Variants in MECOM observed in about 807,000 individuals in gnomAD.
MECOM encodes MDS1 and EVI1 complex locus.
MECOM carries 13 observed loss-of-function variants against 116.3 expected under a neutral mutation model. The observed-to-expected ratio is 0.11, with a 90% CI of 0.07 to 0.18. The LOEUF is 0.18. Ranked by LOEUF, MECOM falls within the 10% of genes least tolerant of loss-of-function variation. The pLI, the probability that MECOM is intolerant of heterozygous loss-of-function variation, is 1.00. For missense variants in MECOM, 1,299 were observed against 1,509.0 expected (o/e 0.86, Z 2.31); for synonymous variants, 528 against 535.2 (o/e 0.99, Z 0.19).
chr3:169,430,162 C>T (rs866907509), intron 1 of MECOM, among the ~76,000 whole-genome samples: 7 of 152,114 alleles, frequency 4.6e-5, no homozygotes, highest in Middle Eastern at 6.8e-3. Flanking sequence ...TCCTCATTTC[C>T]AATATTCTGG....
intron 10 of MECOM, 27 bp downstream of exon 10, chr3:169,107,899 A>C: frequency 6.2e-7 from 1 of 1,601,460 alleles, no homozygotes; most frequent in Non-Finnish European, 8.5e-7. Context: ...ACATCACTTT[A>C]GTCAAAAATA....
rs763887004 is a variant in MECOM at position 169,149,925 on chromosome 3, T to TTC, written c.376-6095_376-6094dup. 3.7e-3 allele frequency among the ~76,000 whole-genome samples: 486 copies of TTC among 132,912 alleles called. 1 individual carries two copies. The highest frequency in any genetic ancestry group is 9.2e-3 in the African/African-American group (331 of 35,972). 87.2% of individuals were successfully genotyped at this position (132,912 alleles called of 152,430 possible). On this transcript the variant is annotated intron_variant, in intron 2 of 16. Coordinates refer to ENST00000651503, the MANE Select transcript of MECOM (RefSeq NM_004991.4). ...CAAAACACTAAATCTTAATCTCTCT[T>TTC]TCTCTCTCTCTGTGTGTGTGTGTGT... is the stretch of plus-strand genomic sequence containing the variant.
chr3:169,342,129 T>A (rs1057287589), intron 2 of MECOM, among the ~76,000 whole-genome samples: 3 of 152,164 alleles, frequency 2.0e-5, no homozygotes, highest in Admixed American at 6.5e-5. Context: ...GTTATAAGAC[T>A]ATTTAAAAAT....
chr3:169,609,539 G>C (rs2109808511), intron 1 of MECOM, among the ~76,000 whole-genome samples: 1 of 151,990 alleles, frequency 6.6e-6, no homozygotes, highest in South Asian at 2.1e-4. Context: ...AGCTAAAGCA[G>C]ATTGGTGGGA....
intron 1 of MECOM, among the ~76,000 whole-genome samples, chr3:169,513,983 G>A (rs978766009): frequency 1.3e-5 from 2 of 152,168 alleles, no homozygotes; most frequent in African/African-American, 4.8e-5. Flanking sequence ...GATTACATCA[G>A]TGGCTAGTGC....
chr3:169,650,533 A>G (rs1482959025), intron 1 of MECOM, among the ~76,000 whole-genome samples: 2 of 152,200 alleles, frequency 1.3e-5, no homozygotes, highest in Non-Finnish European at 2.9e-5. Flanking sequence ...GGGGCATAAT[A>G]TAAGACCTGG....
chr3:169,175,517 C>A (rs144589599), intron 2 of MECOM, among the ~76,000 whole-genome samples: 1 of 152,280 alleles, frequency 6.6e-6, no homozygotes, highest in Non-Finnish European at 1.5e-5. Flanking sequence ...CCCAAGATAT[C>A]TCATTATGTA....
intron 1 of MECOM, among the ~76,000 whole-genome samples, chr3:169,428,304 G>GT (rs1741052343): frequency 6.6e-6 from 1 of 152,194 alleles, no homozygotes; most frequent in South Asian, 2.1e-4. Context: ...TTCATGGACT[G>GT]TGGGGGGTTG....
intron 1 of MECOM, among the ~76,000 whole-genome samples, chr3:169,559,461 T>C (rs1357339912): frequency 2.0e-5 from 3 of 152,170 alleles, no homozygotes; most frequent in Admixed American, 6.5e-5. Context: ...ATAATATACA[T>C]AGGCATTCTA....
intron 1 of MECOM, among the ~76,000 whole-genome samples, chr3:169,468,515 G>A (rs1269764256): frequency 6.6e-6 from 1 of 152,120 alleles, no homozygotes; most frequent in African/African-American, 2.4e-5. Flanking sequence ...GTGCCTCAGA[G>A]CCTAGCTCAT....
intron 1 of MECOM, among the ~76,000 whole-genome samples, chr3:169,607,113 C>T (rs754092777): frequency 2.6e-5 from 4 of 152,198 alleles, no homozygotes; most frequent in South Asian, 2.1e-4. Context: ...TTTTTAGATA[C>T]TTACGGAGGC....
chr3:169,658,958 C>A (rs912910585), intron 1 of MECOM, among the ~76,000 whole-genome samples: 2 of 151,894 alleles, frequency 1.3e-5, no homozygotes, highest in South Asian at 4.2e-4. Flanking sequence ...CCTTCCTGCC[C>A]CAGGTCACAA....
chr3:169,225,935 T>A (rs550316656), intron 2 of MECOM, among the ~76,000 whole-genome samples: 1 of 152,198 alleles, frequency 6.6e-6, no homozygotes, highest in African/African-American at 2.4e-5. Context: ...GGCCACAGAC[T>A]GGTGCGGGAA....
intron 1 of MECOM, among the ~76,000 whole-genome samples, chr3:169,617,604 G>A (rs558862966): frequency 1.8e-4 from 27 of 152,338 alleles, no homozygotes; most frequent in African/African-American, 5.8e-4. Flanking sequence ...AACCAAAGCA[G>A]AGTTAGAGAA....
chr3:169,158,201 G>A (rs1262424579), intron 2 of MECOM, among the ~76,000 whole-genome samples: 1 of 152,146 alleles, frequency 6.6e-6, no homozygotes, highest in East Asian at 1.9e-4. Context: ...TGTCGTCCCT[G>A]GAGAAATTAC....
rs576497011 is a variant in MECOM at position 169,620,218 on chromosome 3, T to C, written c.37+43118A>G. Among the ~76,000 whole-genome samples, 727 of 152,346 alleles carry C rather than the reference T, an allele frequency of 4.8e-3. 8 individuals are homozygous for C. Among genetic ancestry groups the C allele is most frequent in the African/African-American group, 0.016 (659 of 41,568 alleles). ...CCCCTGTGTTCATCTTATTTGGTTTTCAACAGGTTTATTTCCATTGCAACC... is the reference window on the plus strand; with the variant it reads ...CCCCTGTGTTCATCTTATTTGGTTTCCAACAGGTTTATTTCCATTGCAACC... On this transcript the variant is annotated intron_variant, in intron 1 of 16. Transcript: ENST00000651503.
chr3:169,122,063 T>C (rs1331023273), intron 6 of MECOM, among the ~76,000 whole-genome samples: 1 of 152,184 alleles, frequency 6.6e-6, no homozygotes, highest in Non-Finnish European at 1.5e-5. Flanking sequence ...TTCCATATCA[T>C]CCCTATGTTG....
intron 2 of MECOM, among the ~76,000 whole-genome samples, chr3:169,356,433 C>T (rs536470956): frequency 3.3e-5 from 5 of 151,962 alleles, no homozygotes; most frequent in South Asian, 2.1e-4. Context: ...ACAAAATCAA[C>T]GTAGTGTAAC....
In MECOM at chr3:169,243,170, A is replaced by G. The variant is rs569480842; in HGVS notation, c.376-99338T>C. 2.8e-4 allele frequency among the ~76,000 whole-genome samples: 43 copies of G among 152,280 alleles called. No individual in the cohort carries two copies. The South Asian group carries it at 6.0e-3, about 21-fold the overall frequency. On this transcript the variant is annotated intron_variant, in intron 2 of 16. Transcript: ENST00000651503. ...TAACATCTTCTTTTTGAATAATGGC[A>G]CTTGACTTTTTCAGGCACAAACCAT...
Sources: gnomAD v4.1 joint callset for allele counts (sites outside exome capture counted in the v4.1 genomes callset) on GRCh38, gnomAD v4.1.1 for gene constraint, MANE v1.5 for transcripts, NCBI Gene and HGNC (gene_info 2026-07-23, HGNC 2026-07-21) for gene names.